Variants in PRSS48 observed in about 807,000 individuals in gnomAD.
PRSS48 encodes epidermis-specific serine protease-like protein.
PRSS48 carries 21 observed loss-of-function variants against 25.6 expected under a neutral mutation model. The ratio of observed to expected loss-of-function variants is 0.82; its 90% CI spans 0.58 to 1.18. The LOEUF (loss-of-function observed/expected upper bound fraction) is 1.18. Ranked by LOEUF, PRSS48 falls within the 50% of genes most tolerant of loss-of-function variation. The probability of loss-of-function intolerance (pLI) is 0.00; values close to 1 mark genes in which losing one functional copy is unlikely to be tolerated. For missense variants in PRSS48, 373 were observed against 399.3 expected, an observed-to-expected ratio of 0.93 and a Z score of 0.56; for synonymous variants, 150 against 149.3, an observed-to-expected ratio of 1.00 and a Z score of -0.04.
chr4:151,277,238 TG>T lies in PRSS48; in HGVS notation c.52+18del. 6.7e-7 allele frequency: 1 copy of T among 1,492,016 alleles called. No individual in the cohort carries two copies. Among genetic ancestry groups the T allele is most frequent in the Non-Finnish European group, 9.0e-7 (1 of 1,109,462 alleles). 92.4% of individuals were successfully genotyped at this position (1,492,016 alleles called of 1,614,324 possible). On this transcript the variant is annotated intron_variant, in intron 1 of 4. Coordinates refer to ENST00000455694, the Ensembl canonical transcript of PRSS48. The stretch of plus-strand genomic sequence containing the variant: ...TGGGGATCTCAGGTGAGCGCCAGGG[TG>T]GGGTTGAGAAGGCAGAGGCAGAGGA...
exon 5 of PRSS48, chr4:151,291,150 T>C (rs1441552282): frequency 1.2e-6 from 2 of 1,613,602 alleles, no homozygotes; most frequent in Non-Finnish European, 8.5e-7. Flanking sequence ...CGTGTCACAT[T>C]GATGGTGTAT....
chr4:151,286,418 C>T (rs570326479), intron 4 of PRSS48, among the ~76,000 whole-genome samples: 14 of 150,460 alleles, frequency 9.3e-5, no homozygotes, highest in African/African-American at 3.4e-4. Context: ...ACATTACTAC[C>T]AACCTTACAG....
intron 3 of PRSS48, 94 bp from the exon 4 acceptor site, chr4:151,283,023 A>G: frequency 8.9e-7 from 1 of 1,117,712 alleles, no homozygotes; most frequent in Non-Finnish European, 1.3e-6. Flanking sequence ...CTGCTTTTGG[A>G]TTCCCATTCA....
At chr4:151,290,110 A>AT (rs1224028225) in intron 4 of PRSS48, among the ~76,000 whole-genome samples, 2 of 152,056 alleles carry the variant, frequency 1.3e-5, no homozygotes, top group South Asian at 2.1e-4. Flanking sequence ...CATAGCAGCT[A>AT]TTTACTTATT....
intron 4 of PRSS48, among the ~76,000 whole-genome samples, chr4:151,289,648 G>A (rs1775136938): frequency 6.6e-6 from 1 of 152,192 alleles, no homozygotes; most frequent in African/African-American, 2.4e-5. Flanking sequence ...AACACTGTTG[G>A]TGGTAATATA....
At chr4:151,277,292 A>T in intron 1 of PRSS48, 68 bp downstream of exon 1, 3 of 1,207,222 alleles carry the variant, frequency 2.5e-6, no homozygotes, top group South Asian at 4.0e-5. Context: ...ATCACATAGA[A>T]CAATGTGACA....
chr4:151,285,348 T>A (rs765911291), intron 4 of PRSS48, among the ~76,000 whole-genome samples: 1 of 152,180 alleles, frequency 6.6e-6, no homozygotes, highest in Non-Finnish European at 1.5e-5. Flanking sequence ...ATAAACCATA[T>A]GCTAAGCTGT....
chr4:151,279,787 T>A lies in PRSS48; in HGVS notation c.53-9T>A, dbSNP rs756334460. 6.2e-7 allele frequency: 1 copy of A among 1,613,404 alleles called. No individual in the cohort carries two copies. The highest frequency in any genetic ancestry group is 8.5e-7 in the Non-Finnish European group (1 of 1,179,572). On this transcript the variant is annotated splice_polypyrimidine_tract_variant and intron_variant, in intron 1 of 4. Transcript: ENST00000455694. ...GGTTTCCACATTTCCCTTTCTTCTCTTTCTCTAGTGTGTGGGCAACCTGTA... is the reference window on the plus strand; with the variant it reads ...GGTTTCCACATTTCCCTTTCTTCTCATTCTCTAGTGTGTGGGCAACCTGTA...
At chr4:151,280,028 C>G in intron 2 of PRSS48, 70 bp downstream of exon 2, 1 of 909,674 alleles carries the variant, frequency 1.1e-6, no homozygotes, top group East Asian at 3.8e-5. Flanking sequence ...CATGAATGAA[C>G]CAAAAGACAA....
At chr4:151,290,658 T>C (rs1775231234) in intron 4 of PRSS48, among the ~76,000 whole-genome samples, 1 of 152,160 alleles carries the variant, frequency 6.6e-6, no homozygotes, top group Admixed American at 6.5e-5. Context: ...AACCACTGAA[T>C]TGTGTAGTAT....
At chr4:151,278,237 G>T (rs1773838984) in intron 1 of PRSS48, among the ~76,000 whole-genome samples, 1 of 152,016 alleles carries the variant, frequency 6.6e-6, no homozygotes, top group African/African-American at 2.4e-5. Flanking sequence ...TGGTGACCTT[G>T]AATCAAGTAA....
chr4:151,287,652 T>TGA (rs1774941242), intron 4 of PRSS48, among the ~76,000 whole-genome samples: 2 of 152,172 alleles, frequency 1.3e-5, no homozygotes, highest in Admixed American at 6.5e-5. Context: ...CCCAGCACTT[T>TGA]GAGAGGCCAA....
intron 2 of PRSS48, among the ~76,000 whole-genome samples, chr4:151,280,539 C>T (rs1774113281): frequency 6.6e-6 from 1 of 152,146 alleles, no homozygotes; most frequent in Admixed American, 6.6e-5. Flanking sequence ...TTGTTTTAAG[C>T]CACTAAGCTT....
intron 4 of PRSS48, among the ~76,000 whole-genome samples, chr4:151,290,837 T>G (rs1393995535): frequency 1.3e-5 from 2 of 152,222 alleles, no homozygotes; most frequent in Non-Finnish European, 2.9e-5. Context: ...TAAATTTATC[T>G]TTAGTGAAAA....
At chr4:151,278,722 C>A (rs1773890344) in intron 1 of PRSS48, among the ~76,000 whole-genome samples, 1 of 152,122 alleles carries the variant, frequency 6.6e-6, no homozygotes, top group Non-Finnish European at 1.5e-5. Flanking sequence ...CCTCCACCTC[C>A]CGGGCTCAAG....
exon 5 of PRSS48, chr4:151,291,303 C>T: frequency 6.2e-7 from 1 of 1,613,956 alleles, no homozygotes. Context: ...ACTTCTTGTT[C>T]CCTATTGTCC....
chr4:151,284,931 C>G lies in PRSS48; in HGVS notation c.651+1645C>G, dbSNP rs74769091. On this transcript the variant is annotated intron_variant, in intron 4 of 4. Coordinates refer to ENST00000455694, the Ensembl canonical transcript of PRSS48. ...GTTTATATGCAGAACTTGGGACTCT[C>G]GCTCTGTGGCTCTCTCCTTTCTGGT... Among the ~76,000 whole-genome samples, 6 of 152,274 alleles carry G rather than the reference C, an allele frequency of 3.9e-5. No homozygotes were observed. In the East Asian group the frequency reaches 1.2e-3, roughly 29 times the overall value.
chr4:151,283,322 T>C, intron 4 of PRSS48, 36 bp downstream of exon 4: 1 of 1,599,492 alleles, frequency 6.3e-7, no homozygotes, highest in Non-Finnish European at 8.6e-7. Context: ...TTTTTAAACA[T>C]GAGATCTTAA....
At chr4:151,282,434 G>A (rs1422921596) in intron 3 of PRSS48, 21 bp downstream of exon 3, 1 of 1,611,878 alleles carries the variant, frequency 6.2e-7, no homozygotes, top group Non-Finnish European at 8.5e-7. Flanking sequence ...GCAGAGAGAA[G>A]GGTTGTTTCA....
Sources: gnomAD v4.1 joint callset for allele counts (sites outside exome capture counted in the v4.1 genomes callset) on GRCh38, gnomAD v4.1.1 for gene constraint, MANE v1.5 for transcripts, NCBI Gene and HGNC (gene_info 2026-07-23, HGNC 2026-07-21) for gene names.